SCNN1G: variants seen among roughly 807,000 people sequenced by gnomAD.
SCNN1G encodes epithelial sodium channel subunit gamma.
In SCNN1G, 27 loss-of-function variants were observed where a neutral mutation model predicts 64.6. The observed-to-expected ratio is 0.42, with a 90% CI of 0.31 to 0.58. The LOEUF (loss-of-function observed/expected upper bound fraction) is 0.58, where lower values mean the gene tolerates loss of function less well. SCNN1G is among the 20% of genes least tolerant of loss of function. The pLI is 0.18. For missense variants in SCNN1G, 743 were observed against 823.4 expected (o/e 0.90, Z 1.19); for synonymous variants, 330 against 314.2 (o/e 1.05, Z -0.53).
Position 23,215,235 on chromosome 16 carries a change from G to T in SCNN1G, c.1716G>T (p.Trp572Cys), listed in dbSNP as rs1445153250. The change falls in exon 13 of 13, where the codon TGG becomes TGT. Residue 572 changes from tryptophan to cysteine, a missense_variant. By Grantham distance (215) the Trp-to-Cys change is radical. Coordinates refer to ENST00000300061, the MANE Select transcript of SCNN1G (RefSeq NM_001039.4). Reference protein sequence around the residue: ...ARRQWQKAKEWWAWKQAPPCP... With the variant: ...ARRQWQKAKECWAWKQAPPCP... ...GCCAGTGGCAGAAAGCCAAGGAGTG[G>T]TGGGCCTGGAAACAGGCTCCCCCAT... 6.2e-7 allele frequency: 1 copy of T among 1,614,150 alleles called. No homozygotes were observed. Among genetic ancestry groups the T allele is most frequent in the Non-Finnish European group, 8.5e-7 (1 of 1,180,030 alleles).
At chr16:23,213,231 G>A (rs1209289488) in intron 11 of SCNN1G, 68 bp downstream of exon 11, 1 of 957,204 alleles carries the variant, frequency 1.0e-6, no homozygotes, top group Non-Finnish European at 1.7e-6. Context: ...ACTTGCTTCT[G>A]TATGTGTATG....
At position 23,213,250 on chromosome 16, in the gene SCNN1G, C is replaced by T. The variant is rs72647531; in HGVS notation, c.1493+87C>T. On this transcript the variant is annotated intron_variant, in intron 11 of 12. Transcript: ENST00000300061. ...GCTTCTGTATGTGTATGGCCAAATC[C>T]TCTTTTTTTTTTTTTTTTTTTTTAT... 1,255 of 771,254 alleles carry T rather than the reference C, an allele frequency of 1.6e-3. 5 individuals carry two copies. Among genetic ancestry groups the T allele is most frequent in the Non-Finnish European group, 2.0e-3 (951 of 471,762 alleles). The allele number at this position is 771,254 out of a possible 1,614,324, so 47.8% of individuals were successfully genotyped here.
chr16:23,215,213 A>C lies in SCNN1G; in HGVS notation c.1694A>C (p.Gln565Pro). The change falls in exon 13 of 13, where the codon CAG (glutamine) becomes CCG (proline). Residue 565 changes from glutamine (Q) to proline (P), a missense_variant. Coordinates refer to ENST00000300061, the MANE Select transcript of SCNN1G (RefSeq NM_001039.4). ...IDFFSIIARR[Q>P]WQKAKEWWAW... ...TTCTTCTCTATCATTGCCCGCCGCC[A>C]GTGGCAGAAAGCCAAGGAGTGGTGG... 3 of 1,614,066 alleles carry C rather than the reference A, an allele frequency of 1.9e-6. No homozygotes were observed. The highest frequency in any genetic ancestry group is 2.5e-6 in the Non-Finnish European group (3 of 1,180,004).
intron 6 of SCNN1G, among the ~76,000 whole-genome samples, chr16:23,208,674 T>C (rs1419054678): frequency 7.0e-6 from 1 of 142,838 alleles, no homozygotes; most frequent in Non-Finnish European, 1.5e-5. Flanking sequence ...TTTCTCTCTC[T>C]TCTTTCTTTT....
Position 23,209,024 on chromosome 16 carries a change from T to A in SCNN1G, c.1078-726T>A, listed in dbSNP as rs147270034. Among the ~76,000 whole-genome samples, 19 of 152,260 alleles carry A rather than the reference T, an allele frequency of 1.2e-4. No homozygotes were observed. The East Asian group carries it at 3.5e-3, about 28-fold the overall frequency. On this transcript the variant is annotated intron_variant, in intron 6 of 12. Coordinates refer to ENST00000300061, the MANE Select transcript of SCNN1G (RefSeq NM_001039.4). ...GCATGATTTGGCCTCAACCTCCCCA[T>A]CTGACTTTATCTCCAGCAATTTCTC...
At position 23,186,290 on chromosome 16, in the gene SCNN1G, A is replaced by G. The variant is rs1959604496; in HGVS notation, c.19A>G (p.Ile7Val). 1 of 1,614,202 alleles carries G rather than the reference A, an allele frequency of 6.2e-7. No individual in the cohort carries two copies. Among genetic ancestry groups the G allele is most frequent in the Middle Eastern group, 1.6e-4 (1 of 6,062 alleles). ...CCTCGCCATGGCACCCGGAGAGAAG[A>G]TCAAAGCCAAAATCAAGAAGAATCT... MAPGEKIKAKIKKNLPV... is the reference protein window; with the variant it reads MAPGEKVKAKIKKNLPV... Residue 7 changes from isoleucine (I) to valine (V), a missense_variant, in exon 2 of 13, where the codon ATC becomes GTC. By Grantham distance (29) the Ile-to-Val change is conservative. Coordinates refer to ENST00000300061, the MANE Select transcript of SCNN1G (RefSeq NM_001039.4).
At chr16:23,185,356 T>C (rs1364415807) in intron 1 of SCNN1G, among the ~76,000 whole-genome samples, 1 of 152,250 alleles carries the variant, frequency 6.6e-6, no homozygotes. Flanking sequence ...TTATGTAGTA[T>C]ATTAGTTCAT....
In SCNN1G at chr16:23,186,345, T is replaced by C. The variant is rs1959605543; in HGVS notation, c.74T>C (p.Ile25Thr). The C allele has an allele frequency of 6.2e-7, 1 of 1,614,112 alleles. No individual in the cohort carries two copies. Among genetic ancestry groups the C allele is most frequent in the Admixed American group, 1.7e-5 (1 of 60,014 alleles). ...LPVTGPQAPT[I>T]KELMRWYCLN... ...GTGACGGGCCCTCAGGCGCCGACCA[T>C]TAAAGAGCTGATGCGGTGGTACTGC... Residue 25 changes from isoleucine (I) to threonine (T), a missense_variant, in exon 2 of 13, where the codon ATT (isoleucine) becomes ACT (threonine). Transcript: ENST00000300061.
At position 23,189,641 on chromosome 16, in the gene SCNN1G, C is replaced by T. The variant is rs372209300; in HGVS notation, c.588C>T (p.Ile196=). The change falls in exon 3 of 13, where the codon ATC becomes ATT. Residue 196 remains isoleucine (I), a synonymous_variant. Coordinates refer to ENST00000300061, the MANE Select transcript of SCNN1G (RefSeq NM_001039.4). ...IIHKASNVMH[I]ESKQVVGFQL... ...ACAAGGCTTCAAATGTCATGCACAT[C>T]GAGTCCAAGCAAGTGGTGGGATTCC... 1.9e-6 allele frequency: 3 copies of T among 1,614,208 alleles called. No homozygotes were observed. Among genetic ancestry groups the T allele is most frequent in the Non-Finnish European group, 2.5e-6 (3 of 1,180,034 alleles).
At chr16:23,190,810 C>G (rs1474631417) in intron 3 of SCNN1G, among the ~76,000 whole-genome samples, 2 of 142,612 alleles carry the variant, frequency 1.4e-5, no homozygotes, top group African/African-American at 5.2e-5. Flanking sequence ...TTCATTTTCC[C>G]TTTTGGTCCC....
In SCNN1G at chr16:23,186,390, G is replaced by A; in HGVS notation, c.119G>A (p.Gly40Asp). Residue 40 changes from glycine to aspartate, a missense_variant, in exon 2 of 13, where the codon GGC becomes GAC. Transcript: ENST00000300061. ...TACTGCCTCAACACCAACACCCATG[G>A]CTGTCGCCGCATCGTGGTGTCCCGC... ...RWYCLNTNTH[G>D]CRRIVVSRGR... The A allele has an allele frequency of 6.2e-7, 1 of 1,614,262 alleles. No individual in the cohort carries two copies. Among genetic ancestry groups the A allele is most frequent in the Non-Finnish European group, 8.5e-7 (1 of 1,180,046 alleles).
chr16:23,215,648 C>T lies in SCNN1G; in HGVS notation c.*179C>T, dbSNP rs889740968. ...GGGCCTGGGCATGCGCAGGAGGAGC[C>T]ATCGGGTACTACGCAGCAACACTCA... On this transcript the variant is annotated 3_prime_UTR_variant, in exon 13 of 13. Transcript: ENST00000300061. 5.9e-6 allele frequency: 4 copies of T among 678,558 alleles called. No individual in the cohort carries two copies. The highest frequency in any genetic ancestry group is 1.0e-5 in the Non-Finnish European group (4 of 390,196). 42.0% of individuals were successfully genotyped at this position (678,558 alleles called of 1,614,324 possible).
intron 6 of SCNN1G, among the ~76,000 whole-genome samples, chr16:23,205,479 C>G (rs188786431): frequency 6.6e-6 from 1 of 152,086 alleles, no homozygotes; most frequent in African/African-American, 2.4e-5. Context: ...GGGCAGATCA[C>G]CTGAGGTCAG....
intron 6 of SCNN1G, among the ~76,000 whole-genome samples, chr16:23,198,802 C>T (rs1322402077): frequency 2.0e-5 from 3 of 151,940 alleles, no homozygotes; most frequent in African/African-American, 7.3e-5. Context: ...GACTTGTAGT[C>T]CCAGCCACTC....
intron 7 of SCNN1G, among the ~76,000 whole-genome samples, chr16:23,210,289 C>T (rs755677769): frequency 3.3e-5 from 5 of 152,136 alleles, no homozygotes; most frequent in African/African-American, 7.2e-5. Flanking sequence ...AGCTCCCAGT[C>T]GCCTTCCAGG....
intron 4 of SCNN1G, among the ~76,000 whole-genome samples, chr16:23,192,798 T>C (rs1332722649): frequency 6.6e-6 from 1 of 152,028 alleles, no homozygotes; most frequent in African/African-American, 2.4e-5. Context: ...CCAGGCATGG[T>C]GGTTCACGCC....
Position 23,186,606 on chromosome 16 carries a change from G to C in SCNN1G, c.317+18G>C, listed in dbSNP as rs72646488. ...CCCTACAAGTAAGAGGCATGAGCAG[G>C]GAAACGCGAGTAGGGAGCCAGGCCC... On this transcript the variant is annotated intron_variant, in intron 2 of 12. Transcript: ENST00000300061. The C allele has an allele frequency of 7.1e-4, 1,138 of 1,605,946 alleles. 1 individual carries two copies. The highest frequency in any genetic ancestry group is 9.3e-4 in the Non-Finnish European group (1,090 of 1,177,116).
At chr16:23,211,898 A>G (rs1960084961) in intron 7 of SCNN1G, 136 bp from the exon 8 acceptor site, 2 of 755,404 alleles carry the variant, frequency 2.6e-6, no homozygotes, top group Non-Finnish European at 4.9e-6. Context: ...TGCCCAGCCC[A>G]GTTGGCATAA....
intron 6 of SCNN1G, among the ~76,000 whole-genome samples, chr16:23,205,055 C>T (rs1959967808): frequency 6.6e-6 from 1 of 152,116 alleles, no homozygotes; most frequent in Admixed American, 6.5e-5. Flanking sequence ...TCAAGTGACC[C>T]ACCCGCCTCA....
Sources: allele counts gnomAD v4.1 joint callset (sites outside exome capture counted in the v4.1 genomes callset), GRCh38; gene constraint gnomAD v4.1.1; transcripts MANE v1.5; gene names NCBI Gene and HGNC (gene_info 2026-07-23, HGNC 2026-07-21).